TNFSF15: variants seen among roughly 807,000 people sequenced by gnomAD.
TNFSF15 encodes the protein TNF superfamily member 15, also known as tumor necrosis factor ligand superfamily member 15.
Under a neutral mutation model 26.4 loss-of-function variants are expected in TNFSF15, and 15 were observed. That is an observed-to-expected ratio of 0.57 (90% CI 0.38 to 0.87). TNFSF15 has a LOEUF of 0.87. Among genes scored for constraint, TNFSF15 ranks in the 40% least tolerant of loss-of-function variants. The probability of loss-of-function intolerance (pLI) is 0.00; values close to 1 mark genes in which losing one functional copy is unlikely to be tolerated. For synonymous variants in TNFSF15, 116 were observed against 115.0 expected, an observed-to-expected ratio of 1.01 and a Z score of -0.06; for missense variants, 290 against 306.1, an observed-to-expected ratio of 0.95 and a Z score of 0.39.
At chr9:114,792,203 G>A (rs376432863) in intron 3 of TNFSF15, 17 of 592,546 alleles carry the variant, frequency 2.9e-5, no homozygotes, top group Admixed American at 7.1e-5. Context: ...ACGTGTGTGT[G>A]TGTGTATATA....
rs1048677236 is a variant in TNFSF15, at chr9:114,789,718, T to G, written c.*734A>C. Reference sequence around the variant, plus strand: ...GTGGAGTCTGTCTTGTTTTTCATAGTGTCTTCTGGGTTAAGGTAGAACCCA... The same window carrying G: ...GTGGAGTCTGTCTTGTTTTTCATAGGGTCTTCTGGGTTAAGGTAGAACCCA... On this transcript the variant is annotated 3_prime_UTR_variant, in exon 4 of 4. Coordinates refer to ENST00000374045, the MANE Select transcript of TNFSF15 (RefSeq NM_005118.4). The G allele has an allele frequency of 6.6e-6, 1 of 152,334 alleles. No homozygotes were observed. The highest frequency in any genetic ancestry group is 2.4e-5 in the African/African-American group (1 of 41,450). The allele number at this position is 152,334 out of a possible 1,614,324, so 9.4% of individuals were successfully genotyped here. A position where few individuals can be genotyped will look rare whatever the true frequency, so the allele number is the denominator to read the frequency against.
In TNFSF15 at chr9:114,790,356, G is replaced by A. The variant is rs1178986721; in HGVS notation, c.*96C>T. On this transcript the variant is annotated 3_prime_UTR_variant, in exon 4 of 4. Coordinates refer to ENST00000374045, the MANE Select transcript of TNFSF15 (RefSeq NM_005118.4). ...TCCCTGTGGAATGCCCCCTACTCCC[G>A]GCCCCAAGAAAACCCCTGGTTATAA... 5.4e-6 allele frequency: 7 copies of A among 1,297,804 alleles called. No individual in the cohort carries two copies. The highest frequency in any genetic ancestry group is 2.3e-5 in the East Asian group (1 of 42,952). The allele number at this position is 1,297,804 out of a possible 1,614,324, so 80.4% of individuals were successfully genotyped here.
chr9:114,794,875 G>C (rs894563243), intron 1 of TNFSF15, among the ~76,000 whole-genome samples: 7 of 152,186 alleles, frequency 4.6e-5, no homozygotes, highest in African/African-American at 1.4e-4. Flanking sequence ...GGCTGGGAAA[G>C]GTGTGTGAGT....
At position 114,785,021 on chromosome 9, in the gene TNFSF15, G is replaced by A. The variant is rs1291115617; in HGVS notation, c.*5431C>T. ...TGGCACTGTGTGTCTTGTTCCTCCT[G>A]AATGTATACACTGTGAGAGTAGGAC... On this transcript the variant is annotated 3_prime_UTR_variant, in exon 4 of 4. Transcript: ENST00000374045. 6.6e-6 allele frequency: 1 copy of A among 152,238 alleles called. No individual in the cohort carries two copies. Among genetic ancestry groups the A allele is most frequent in the African/African-American group, 2.4e-5 (1 of 41,458 alleles). The allele number at this position is 152,238 out of a possible 1,614,324, so 9.4% of individuals were successfully genotyped here.
In TNFSF15 at chr9:114,792,618, C is replaced by T. The variant is rs909059253; in HGVS notation, c.254-164G>A. Reference sequence around the variant, plus strand: ...GGATTTTGGATTGGAATGTGGCACCCGCAGCAAGCACCACCAAGGACAGGG... The same window carrying T: ...GGATTTTGGATTGGAATGTGGCACCTGCAGCAAGCACCACCAAGGACAGGG... On this transcript the variant is annotated intron_variant, in intron 2 of 3. Transcript: ENST00000374045. The T allele has an allele frequency of 1.2e-5, 18 of 1,464,178 alleles. No individual in the cohort carries two copies. In the East Asian group the frequency reaches 1.5e-4, roughly 12 times the overall value. The allele number at this position is 1,464,178 out of a possible 1,614,324, so 90.7% of individuals were successfully genotyped here.
intron 1 of TNFSF15, among the ~76,000 whole-genome samples, chr9:114,797,696 G>A (rs748729218): frequency 1.3e-5 from 2 of 152,198 alleles, no homozygotes; most frequent in South Asian, 2.1e-4. Context: ...TGGGGGCACC[G>A]AAGAGGTGTT....
chr9:114,801,254 G>T (rs1829743481), intron 1 of TNFSF15, among the ~76,000 whole-genome samples: 1 of 152,168 alleles, frequency 6.6e-6, no homozygotes, highest in Non-Finnish European at 1.5e-5. Flanking sequence ...CTGGTCTCAG[G>T]GCACCTGGGC....
At chr9:114,794,527 C>T (rs1229165289) in intron 1 of TNFSF15, among the ~76,000 whole-genome samples, 1 of 151,864 alleles carries the variant, frequency 6.6e-6, no homozygotes, top group Non-Finnish European at 1.5e-5. Context: ...GGCACGTATT[C>T]AAAAGAAAAG....
In TNFSF15 at chr9:114,806,008, G is replaced by T; in HGVS notation, c.5C>A (p.Ala2Asp). 1 of 1,613,564 alleles carries T rather than the reference G, an allele frequency of 6.2e-7. No individual in the cohort carries two copies. Among genetic ancestry groups the T allele is most frequent in the East Asian group, 2.2e-5 (1 of 44,862 alleles). Residue 2 changes from alanine (A) to aspartate (D), a missense_variant, in exon 1 of 4, where the codon GCC becomes GAC. Ala to Asp is a moderately radical substitution (Grantham distance 126, BLOSUM62 -2). This residue lies in a region of TNFSF15 where 179 missense variants were observed against 165.9 expected (regional missense o/e 1.08). Coordinates refer to ENST00000374045, the MANE Select transcript of TNFSF15 (RefSeq NM_005118.4). MAEDLGLSFGET... is the reference protein window; with the variant it reads MDEDLGLSFGET... ...CCCAAAGCTCAGTCCCAGATCCTCG[G>T]CCATGCTCCTGCTGCTCCTGGAGGC...
chr9:114,795,706 G>C (rs12235514), intron 1 of TNFSF15, among the ~76,000 whole-genome samples: 1 of 152,174 alleles, frequency 6.6e-6, no homozygotes, highest in African/African-American at 2.4e-5. Flanking sequence ...ACTGTCTCAT[G>C]AATGAGGAAT....
intron 1 of TNFSF15, among the ~76,000 whole-genome samples, chr9:114,798,494 T>C (rs997702727): frequency 3.9e-5 from 6 of 152,092 alleles, no homozygotes; most frequent in Non-Finnish European, 5.9e-5. Context: ...AAAGAGGAGA[T>C]TGAAGTTTAG....
At chr9:114,796,463 C>T (rs1044131037) in intron 1 of TNFSF15, among the ~76,000 whole-genome samples, 1 of 152,182 alleles carries the variant, frequency 6.6e-6, no homozygotes, top group Non-Finnish European at 1.5e-5. Flanking sequence ...CTCTGTGTTC[C>T]CAGCCATGAG....
chr9:114,794,182 T>G (rs1247101215), intron 1 of TNFSF15, among the ~76,000 whole-genome samples: 1 of 152,168 alleles, frequency 6.6e-6, no homozygotes, highest in Non-Finnish European at 1.5e-5. Flanking sequence ...TTGACAAGAC[T>G]TTTTCTCTCT....
Position 114,790,420 on chromosome 9 carries a change from AG to A in TNFSF15, c.*31del. 1 of 1,527,602 alleles carries A rather than the reference AG, an allele frequency of 6.5e-7. No homozygotes were observed. The highest frequency in any genetic ancestry group is 1.8e-4 in the Middle Eastern group (1 of 5,634). The allele number at this position is 1,527,602 out of a possible 1,614,324, so 94.6% of individuals were successfully genotyped here. ...AAGAAAATTAGGAACTCGGTGGCAG[AG>A]GACTTTCATATAATGATATTTGCTC... On this transcript the variant is annotated 3_prime_UTR_variant, in exon 4 of 4. Transcript: ENST00000374045.
Position 114,793,555 on chromosome 9 carries a change from T to C in TNFSF15, c.224A>G (p.Gln75Arg). The change falls in exon 2 of 4, where the codon CAG becomes CGG. Residue 75 changes from glutamine (Q) to arginine (R), a missense_variant. Physicochemically the swap from Gln to Arg is conservative, Grantham distance 43. Transcript: ENST00000374045. ...ACVQFQALKG[Q>R]EFAPSHQQVY... ...TTGCTGATGTGAAGGTGCAAACTCC[T>C]GTCCTTTTAGAGCCTATTGGGAAAG... 7 of 1,613,910 alleles carry C rather than the reference T, an allele frequency of 4.3e-6. No homozygotes were observed. The highest frequency in any genetic ancestry group is 1.3e-5 in the African/African-American group (1 of 75,054).
intron 1 of TNFSF15, among the ~76,000 whole-genome samples, chr9:114,797,040 T>G (rs1829680919): frequency 6.6e-6 from 1 of 152,214 alleles, no homozygotes; most frequent in African/African-American, 2.4e-5. Flanking sequence ...TCAAAGAGAA[T>G]CAGAGAGATC....
chr9:114,799,482 G>C (rs1166119159), intron 1 of TNFSF15, among the ~76,000 whole-genome samples: 1 of 152,158 alleles, frequency 6.6e-6, no homozygotes, highest in Non-Finnish European at 1.5e-5. Flanking sequence ...GATGCTTTAG[G>C]AGCTCCGGGA....
rs1440950908 is a variant in TNFSF15 at position 114,786,904 on chromosome 9, T to G, written c.*3548A>C. 8.5e-6 allele frequency: 1 copy of G among 117,896 alleles called. No individual in the cohort carries two copies. Among genetic ancestry groups the G allele is most frequent in the Non-Finnish European group, 1.7e-5 (1 of 60,250 alleles). The allele number at this position is 117,896 out of a possible 1,614,324, so 7.3% of individuals were successfully genotyped here. ...TTCAGCCTGGGTGACAAAGCAAGAC[T>G]CTGTCTCAAAAAAAAAAAAAAAAAA... is the stretch of plus-strand genomic sequence containing the variant. On this transcript the variant is annotated 3_prime_UTR_variant, in exon 4 of 4. Transcript: ENST00000374045.
rs943587231 is a variant in TNFSF15 at position 114,784,878 on chromosome 9, C to T, written c.*5574G>A. On this transcript the variant is annotated 3_prime_UTR_variant, in exon 4 of 4. Coordinates refer to ENST00000374045, the MANE Select transcript of TNFSF15 (RefSeq NM_005118.4). ...CACATGGGGTTTGTCACTAAAACCA[C>T]ATAAACACCTACACTTCTTCAATCT... 6.6e-6 allele frequency: 1 copy of T among 152,182 alleles called. No individual in the cohort carries two copies. The highest frequency in any genetic ancestry group is 6.5e-5 in the Admixed American group (1 of 15,282). The allele number at this position is 152,182 out of a possible 1,614,324, so 9.4% of individuals were successfully genotyped here.
Sources: gnomAD v4.1 joint callset for allele counts (sites outside exome capture counted in the v4.1 genomes callset) on GRCh38, gnomAD v4.1.1 for gene constraint, gnomAD v4.1.1 regional missense constraint, MANE v1.5 for transcripts, NCBI Gene and HGNC (gene_info 2026-07-23, HGNC 2026-07-21) for gene names.